Variants in LGSN observed in about 807,000 individuals in gnomAD.
The protein encoded by LGSN is lengsin, lens protein with glutamine synthetase domain.
A neutral mutation model predicts 19.5 loss-of-function variants in LGSN; 21 were observed. The observed-to-expected ratio is 1.07, with a 90% CI of 0.76 to 1.55. The LOEUF (loss-of-function observed/expected upper bound fraction) is 1.55. Ranked by LOEUF, LGSN falls within the 40% of genes most tolerant of loss-of-function variation. The probability of loss-of-function intolerance (pLI) is 0.00; values close to 1 mark genes in which losing one functional copy is unlikely to be tolerated. For missense variants in LGSN, 673 were observed against 608.5 expected (o/e 1.11, Z -1.12); for synonymous variants, 257 against 215.6 (o/e 1.19, Z -1.68).
chr6:63,483,491 G>A, the LGSN span, among the ~76,000 whole-genome samples: 6 of 151,678 alleles, frequency 4.0e-5, no homozygotes, highest in African/African-American at 4.8e-5. Flanking sequence ...TCAGCCTCCC[G>A]AGTAGCTGGG....
chr6:63,547,065 A>G, the LGSN span, among the ~76,000 whole-genome samples: 1 of 152,136 alleles, frequency 6.6e-6, no homozygotes, highest in African/African-American at 2.4e-5. Flanking sequence ...TCAAAAGTTT[A>G]TTTGAGCATT....
the LGSN span, among the ~76,000 whole-genome samples, chr6:63,454,229 C>CAGTA: frequency 6.6e-6 from 1 of 152,014 alleles, no homozygotes; most frequent in Non-Finnish European, 1.5e-5. Context: ...TATGGGACCA[C>CAGTA]AGTAAGGCTA....
At chr6:63,397,492 T>C in the LGSN span, among the ~76,000 whole-genome samples, 2 of 150,898 alleles carry the variant, frequency 1.3e-5, no homozygotes, top group African/African-American at 4.9e-5. Flanking sequence ...GCTGGGATTA[T>C]ATGGTCCAAG....
the LGSN span, among the ~76,000 whole-genome samples, chr6:63,555,692 C>CTTTTTT: frequency 7.4e-6 from 1 of 135,010 alleles, no homozygotes; most frequent in African/African-American, 2.8e-5. Context: ...CAATTACACT[C>CTTTTTT]TTTTTTTTTT....
the LGSN span, among the ~76,000 whole-genome samples, chr6:63,368,117 G>GAAAAAAAGAA: frequency 6.9e-6 from 1 of 143,936 alleles, no homozygotes; most frequent in Non-Finnish European, 1.5e-5. Flanking sequence ...AAAGAAGCCA[G>GAAAAAAAGAA]AAAAAAAGAA....
At chr6:63,406,856 G>A in the LGSN span, among the ~76,000 whole-genome samples, 28 of 152,028 alleles carry the variant, frequency 1.8e-4, no homozygotes, top group Admixed American at 3.9e-4. Flanking sequence ...TATCACCACC[G>A]ATCTCACAGA....
intron 2 of LGSN, among the ~76,000 whole-genome samples, chr6:63,288,071 A>G (rs1451557507): frequency 1.3e-5 from 2 of 151,438 alleles, no homozygotes; most frequent in Admixed American, 1.3e-4. Context: ...TAAAAAAACT[A>G]GCCAGGCATG....
the LGSN span, among the ~76,000 whole-genome samples, chr6:63,387,100 CA>C: frequency 1.3e-5 from 2 of 149,384 alleles, no homozygotes; most frequent in East Asian, 1.9e-4. Flanking sequence ...GACTCCGTCT[CA>C]AAAAAAAATA....
the LGSN span, among the ~76,000 whole-genome samples, chr6:63,378,496 T>A: frequency 6.6e-6 from 1 of 152,132 alleles, no homozygotes; most frequent in African/African-American, 2.4e-5. Context: ...TATGAAGGAA[T>A]ATCTGAGGCT....
the LGSN span, among the ~76,000 whole-genome samples, chr6:63,553,612 T>C: frequency 6.6e-6 from 1 of 152,246 alleles, no homozygotes; most frequent in Non-Finnish European, 1.5e-5. Flanking sequence ...ATGTTCTAAC[T>C]AATGAATGAC....
Position 63,316,910 on chromosome 6 carries a change from T to C in LGSN, c.30+3004A>G, listed in dbSNP as rs796558293. 1.4e-4 allele frequency among the ~76,000 whole-genome samples: 22 copies of C among 152,164 alleles called. No homozygotes were observed. The East Asian group carries it at 3.7e-3, about 25-fold the overall frequency. ...TGCAAATATGAATATAAAAATACTT[T>C]AAATGTGAGAGGGGAAGGTGCTCTA... is the stretch of plus-strand genomic sequence containing the variant. On this transcript the variant is annotated intron_variant, in intron 1 of 3. Transcript: ENST00000370657.
the LGSN span, among the ~76,000 whole-genome samples, chr6:63,427,157 G>C: frequency 1.8e-3 from 273 of 150,822 alleles, 2 homozygotes; most frequent in African/African-American, 6.4e-3. Flanking sequence ...CAATTCTCCT[G>C]CCTCAGCCTC....
At chr6:63,464,940 C>T in the LGSN span, among the ~76,000 whole-genome samples, 37 of 149,560 alleles carry the variant, frequency 2.5e-4, 1 homozygote, top group South Asian at 7.2e-3. Context: ...GCAGGAGAAT[C>T]GCTTGAACCT....
the LGSN span, among the ~76,000 whole-genome samples, chr6:63,487,262 AC>A: frequency 8.5e-5 from 13 of 152,058 alleles, no homozygotes; most frequent in African/African-American, 3.1e-4. Context: ...GAGCTACCAC[AC>A]CCGGCCTGTC....
At chr6:63,358,290 G>A in the LGSN span, among the ~76,000 whole-genome samples, 2 of 152,082 alleles carry the variant, frequency 1.3e-5, no homozygotes, top group African/African-American at 2.4e-5. Flanking sequence ...TTGTTCTTTT[G>A]GCTTAGGATT....
the LGSN span, among the ~76,000 whole-genome samples, chr6:63,351,923 A>T: frequency 1.3e-5 from 2 of 152,212 alleles, no homozygotes; most frequent in Non-Finnish European, 2.9e-5. Context: ...TATATCAGAG[A>T]ACATTTAAAG....
the LGSN span, among the ~76,000 whole-genome samples, chr6:63,477,795 A>G: frequency 6.8e-6 from 1 of 146,156 alleles, no homozygotes; most frequent in Admixed American, 7.0e-5. Context: ...TGGCCTTTCA[A>G]AGTGCTGGGA....
chr6:63,546,814 A>T, the LGSN span, among the ~76,000 whole-genome samples: 1 of 152,216 alleles, frequency 6.6e-6, no homozygotes, highest in Non-Finnish European at 1.5e-5. Context: ...ACACCTGAAA[A>T]TTTTGAATAG....
chr6:63,361,774 G>A, the LGSN span, among the ~76,000 whole-genome samples: 37 of 152,238 alleles, frequency 2.4e-4, no homozygotes, highest in East Asian at 5.0e-3. Context: ...GGCTGGAGCT[G>A]TTCCTATTCG....
Sources: gnomAD v4.1 joint callset for allele counts (sites outside exome capture counted in the v4.1 genomes callset) on GRCh38, gnomAD v4.1.1 for gene constraint, MANE v1.5 for transcripts, NCBI Gene and HGNC (gene_info 2026-07-23, HGNC 2026-07-21) for gene names.